The following TCERG1 variants were observed in gnomAD, a reference collection of about 807,000 sequenced individuals.
TCERG1 encodes the protein TATA box binding protein (TBP)-associated factor, RNA polymerase II, S, 150kD.
In TCERG1, 37 loss-of-function variants were observed where a neutral mutation model predicts 144.7. The ratio of observed to expected loss-of-function variants is 0.26; its 90% confidence interval spans 0.20 to 0.34. The LOEUF (loss-of-function observed/expected upper bound fraction) is 0.34. TCERG1 is among the 10% of genes least tolerant of loss of function. TCERG1 has a pLI of 1.00. For missense variants in TCERG1, 1,027 were observed against 1,380.7 expected (o/e 0.74, Z 4.06); for synonymous variants, 492 against 458.2 (o/e 1.07, Z -0.94).
Position 146,459,430 on chromosome 5 carries a change from T to G in TCERG1, c.892+93T>G. The G allele has an allele frequency of 2.0e-6, 3 of 1,519,340 alleles. No homozygotes were observed. The South Asian group carries it at 4.0e-5, about 20-fold the overall frequency. The allele number at this position is 1,519,340 out of a possible 1,614,324, so 94.1% of individuals were successfully genotyped here. A position where few individuals can be genotyped will look rare whatever the true frequency, so the allele number is the denominator to read the frequency against. ...CATATTGATCCCAGTGTTTCTGGTA[T>G]TATCCTTTAATACCAGAATTATTTA... is the stretch of plus-strand genomic sequence containing the variant. On this transcript the variant is annotated intron_variant, in intron 4 of 22. Coordinates refer to ENST00000679501, the MANE Select transcript of TCERG1 (RefSeq NM_001382548.1).
rs754031819 is a variant in TCERG1 at position 146,503,987 on chromosome 5, A to G, written c.2762A>G (p.Lys921Arg). Residue 921 changes from lysine to arginine, a missense_variant, in exon 19 of 23, where the codon AAA (lysine) becomes AGA (arginine). Lys to Arg is a conservative substitution (Grantham distance 26). This residue lies in a region of TCERG1 where 133 missense variants were observed against 283.2 expected (regional missense o/e 0.47). Transcript: ENST00000679501. Reference sequence around the variant, plus strand: ...CGAGAAGAAGCTATCCAGAATTTCAAAGCTCTTCTGTCTGACATGGTATAC... The same window carrying G: ...CGAGAAGAAGCTATCCAGAATTTCAGAGCTCTTCTGTCTGACATGGTATAC... ...HKREEAIQNF[K>R]ALLSDMVRSS... 27 of 1,584,470 alleles carry G rather than the reference A, an allele frequency of 1.7e-5. No individual in the cohort carries two copies. The highest frequency in any genetic ancestry group is 1.5e-4 in the Admixed American group (8 of 54,284).
chr5:146,470,698 G>A lies in TCERG1; in HGVS notation c.1462G>A (p.Glu488Lys). The stretch of plus-strand genomic sequence containing the variant: ...ACCCTCTGAAGAGCCTCTGCCAATG[G>A]AGACGGAGGAGGAGGATCCTAAAGA... ...KEPSEEPLPM[E>K]TEEEDPKEEP... Residue 488 changes from glutamate to lysine, a missense_variant, in exon 8 of 23, where the codon GAG becomes AAG. Physicochemically the swap from Glu to Lys is moderately conservative, Grantham distance 56. Coordinates refer to ENST00000679501, the MANE Select transcript of TCERG1 (RefSeq NM_001382548.1). The A allele has an allele frequency of 6.2e-7, 1 of 1,613,750 alleles. No individual in the cohort carries two copies. The highest frequency in any genetic ancestry group is 8.5e-7 in the Non-Finnish European group (1 of 1,179,898).
At chr5:146,494,775 A>G (rs1266305882) in intron 16 of TCERG1, among the ~76,000 whole-genome samples, 1 of 152,118 alleles carries the variant, frequency 6.6e-6, no homozygotes, top group Non-Finnish European at 1.5e-5. Context: ...GAAAGGGGGA[A>G]ATTACTGAAC....
At chr5:146,477,289 C>A (rs1304387148) in intron 9 of TCERG1, among the ~76,000 whole-genome samples, 1 of 151,658 alleles carries the variant, frequency 6.6e-6, no homozygotes, top group African/African-American at 2.4e-5. Context: ...TTTTTACTAT[C>A]TTAACATAGG....
intron 16 of TCERG1, among the ~76,000 whole-genome samples, chr5:146,494,184 C>T (rs966254273): frequency 6.6e-6 from 1 of 151,928 alleles, no homozygotes; most frequent in African/African-American, 2.4e-5. Flanking sequence ...TTATAAAAGA[C>T]ATTTTGGGGG....
intron 15 of TCERG1, among the ~76,000 whole-genome samples, chr5:146,484,880 G>T (rs1320772040): frequency 6.6e-6 from 1 of 152,030 alleles, no homozygotes; most frequent in African/African-American, 2.4e-5. Flanking sequence ...CTTATCATCT[G>T]TGTAGCCTAT....
intron 1 of TCERG1, 28 bp from the exon 2 acceptor site, chr5:146,455,028 A>G (rs777194905): frequency 8.7e-6 from 14 of 1,608,428 alleles, no homozygotes; most frequent in Non-Finnish European, 1.1e-5. Context: ...TTAAGAAAGA[A>G]AAATTTATTC....
chr5:146,484,754 C>T (rs1765671973), intron 15 of TCERG1, among the ~76,000 whole-genome samples: 1 of 152,128 alleles, frequency 6.6e-6, no homozygotes, highest in African/African-American at 2.4e-5. Flanking sequence ...TTTCCCACTT[C>T]CCCTTTACAG....
At chr5:146,448,145 C>T (rs1762056612) in intron 1 of TCERG1, among the ~76,000 whole-genome samples, 1 of 152,160 alleles carries the variant, frequency 6.6e-6, no homozygotes, top group South Asian at 2.1e-4. Flanking sequence ...AGTTGTTACT[C>T]GCCCATCTTA....
intron 7 of TCERG1, 124 bp downstream of exon 7, chr5:146,469,868 ATTGT>A (rs1233287918): frequency 4.7e-6 from 3 of 636,768 alleles, no homozygotes; most frequent in African/African-American, 3.8e-5. Context: ...CAGTCATTGG[ATTGT>A]TTATTTTTAC....
chr5:146,457,972 C>G (rs1762975126), intron 3 of TCERG1, among the ~76,000 whole-genome samples: 1 of 152,114 alleles, frequency 6.6e-6, no homozygotes, highest in African/African-American at 2.4e-5. Context: ...GCCTCAGCCT[C>G]CTGAGTAGCT....
At chr5:146,464,565 G>A (rs1763611245) in intron 5 of TCERG1, among the ~76,000 whole-genome samples, 1 of 152,160 alleles carries the variant, frequency 6.6e-6, no homozygotes, top group Non-Finnish European at 1.5e-5. Context: ...TTACCATAGG[G>A]TTTAAAAATG....
chr5:146,455,581 A>G (rs185040277), intron 2 of TCERG1, among the ~76,000 whole-genome samples: 2 of 152,316 alleles, frequency 1.3e-5, no homozygotes, highest in African/African-American at 4.8e-5. Flanking sequence ...TTTATGGGAA[A>G]TGAAGTTTGA....
rs1459466199 is a variant in TCERG1, at chr5:146,459,054, TCAGGCCCAGGCTCAGGCTCAGGCC to T, written c.621_644del (p.Ala235_Gln242del). 1.9e-4 allele frequency: 311 copies of T among 1,598,304 alleles called. No individual in the cohort carries two copies. The highest frequency in any genetic ancestry group is 2.3e-4 in the Non-Finnish European group (273 of 1,170,332). ...CGCAGGCTCAGGCCCAGGCACAAGC[TCAGGCCCAGGCTCAGGCTCAGGCC>T]CAGGCCCAGGCCCAGGCCCAGGCCC... On this transcript the variant is annotated inframe_deletion, in exon 4 of 23. Transcript: ENST00000679501.
At position 146,447,534 on chromosome 5, in the gene TCERG1, G is replaced by T. The variant is rs928395551; in HGVS notation, c.59+126G>T. 1.2e-5 allele frequency: 15 copies of T among 1,259,864 alleles called. No individual in the cohort carries two copies. The African/African-American group carries it at 2.2e-4, about 18-fold the overall frequency. 78.0% of individuals were successfully genotyped at this position (1,259,864 alleles called of 1,614,324 possible). ...GAGCCGGGCGGCCCGGGCCGGGACC[G>T]CATGGGGTTTAAGAAGGGGGAAGGG... is the stretch of plus-strand genomic sequence containing the variant. On this transcript the variant is annotated intron_variant, in intron 1 of 22. Transcript: ENST00000679501.
At chr5:146,501,963 C>T (rs1212010553) in intron 17 of TCERG1, among the ~76,000 whole-genome samples, 1 of 140,138 alleles carries the variant, frequency 7.1e-6, no homozygotes, top group Non-Finnish European at 1.5e-5. Flanking sequence ...GGTGCAGTCT[C>T]AGCTCACTGC....
chr5:146,453,880 G>T (rs1762568443), intron 1 of TCERG1, among the ~76,000 whole-genome samples: 1 of 151,886 alleles, frequency 6.6e-6, no homozygotes, highest in Admixed American at 6.6e-5. Flanking sequence ...CATATCTGAA[G>T]AATACACATC....
intron 16 of TCERG1, among the ~76,000 whole-genome samples, chr5:146,494,738 A>G (rs545766875): frequency 6.6e-6 from 1 of 152,202 alleles, no homozygotes; most frequent in South Asian, 2.1e-4. Context: ...GTAAATATAG[A>G]GCACCAGAGT....
At chr5:146,495,884 G>T (rs907104977) in intron 16 of TCERG1, among the ~76,000 whole-genome samples, 2 of 152,214 alleles carry the variant, frequency 1.3e-5, no homozygotes, top group Non-Finnish European at 2.9e-5. Flanking sequence ...GCCAGGCGCA[G>T]TGGCTCGCGC....
Sources: gnomAD v4.1 joint callset for allele counts (sites outside exome capture counted in the v4.1 genomes callset) on GRCh38, gnomAD v4.1.1 for gene constraint, gnomAD v4.1.1 regional missense constraint, MANE v1.5 for transcripts, NCBI Gene and HGNC (gene_info 2026-07-23, HGNC 2026-07-21) for gene names.